Variants in MAP3K20 observed in about 807,000 individuals in gnomAD.
The protein encoded by MAP3K20 is HCCS-4.
Under a neutral mutation model 85.7 loss-of-function variants are expected in MAP3K20, and 40 were observed. The observed-to-expected ratio is 0.47, with a 90% confidence interval of 0.36 to 0.61. The LOEUF (loss-of-function observed/expected upper bound fraction) is 0.61, where lower values mean the gene tolerates loss of function less well. MAP3K20 is among the 20% of genes least tolerant of loss of function. The pLI is 0.00. For missense variants in MAP3K20, 817 were observed against 961.7 expected (o/e 0.85, Z 1.99); for synonymous variants, 325 against 327.7 (o/e 0.99, Z 0.09).
chr2:173,138,427 T>A (rs1487320107), intron 2 of MAP3K20, among the ~76,000 whole-genome samples: 4 of 152,186 alleles, frequency 2.6e-5, no homozygotes, highest in Non-Finnish European at 5.9e-5. Context: ...GGGGAAGATT[T>A]GAAAGATGAT....
At chr2:173,079,373 G>C (rs1486009483) in intron 1 of MAP3K20, among the ~76,000 whole-genome samples, 2 of 152,184 alleles carry the variant, frequency 1.3e-5, no homozygotes, top group Non-Finnish European at 2.9e-5. Flanking sequence ...CAGTGAGTGA[G>C]TGGTGAGGGA....
chr2:173,249,601 AT>A (rs1684997920), intron 16 of MAP3K20, among the ~76,000 whole-genome samples: 1 of 152,162 alleles, frequency 6.6e-6, no homozygotes, highest in African/African-American at 2.4e-5. Context: ...ATAAAACTTT[AT>A]TTGCAGTAGA....
At chr2:173,229,606 G>A (rs558335790) in intron 11 of MAP3K20, 83 bp from the exon 12 acceptor site, 3 of 1,578,596 alleles carry the variant, frequency 1.9e-6, no homozygotes, top group Middle Eastern at 1.7e-4. Context: ...GCTGAGAGCT[G>A]AAAGAGTGAG....
At chr2:173,185,147 A>G (rs1052448781) in intron 4 of MAP3K20, among the ~76,000 whole-genome samples, 1 of 152,178 alleles carries the variant, frequency 6.6e-6, no homozygotes, top group Non-Finnish European at 1.5e-5. Context: ...AGGCTAAGGC[A>G]GGAGAATCAC....
intron 10 of MAP3K20, among the ~76,000 whole-genome samples, chr2:173,215,376 G>GT (rs1434026299): frequency 6.6e-6 from 1 of 151,834 alleles, no homozygotes; most frequent in Non-Finnish European, 1.5e-5. Flanking sequence ...GGTTTTTCAC[G>GT]TTTTTTTCCC....
rs554272356 is a variant in MAP3K20, at chr2:173,237,195, A to AT, written c.1204-1173dup. ...GCGCAGGCTACACCACACCTGGCTA[A>AT]TTTTTGTATTTTTAGTAGAGACAGG... On this transcript the variant is annotated intron_variant, in intron 14 of 19. Transcript: ENST00000375213. Among the ~76,000 whole-genome samples, 848 of 151,702 alleles carry AT rather than the reference A, an allele frequency of 5.6e-3. 11 individuals are homozygous for AT. The highest frequency in any genetic ancestry group is 0.019 in the African/African-American group (798 of 41,380).
chr2:173,222,437 T>A, intron 11 of MAP3K20: 1 of 985,872 alleles, frequency 1.0e-6, no homozygotes, highest in Non-Finnish European at 1.2e-6. Flanking sequence ...TTCATACCAC[T>A]GCTGGCCATG....
At chr2:173,196,117 A>G (rs763733851) in intron 7 of MAP3K20, among the ~76,000 whole-genome samples, 23 of 152,310 alleles carry the variant, frequency 1.5e-4, no homozygotes, top group Admixed American at 9.8e-4. Context: ...CAAACTCAGA[A>G]GAGGCACTGC....
intron 3 of MAP3K20, among the ~76,000 whole-genome samples, chr2:173,177,542 G>C (rs1419382464): frequency 6.8e-6 from 1 of 146,114 alleles, no homozygotes; most frequent in African/African-American, 2.5e-5. Flanking sequence ...CCACCTCCCA[G>C]GTTCAAGCGA....
chr2:173,238,268 T>G, intron 14 of MAP3K20, 105 bp from the exon 15 acceptor site: 1 of 940,360 alleles, frequency 1.1e-6, no homozygotes, highest in Non-Finnish European at 1.6e-6. Context: ...CCCAAGATAT[T>G]TTATGAACTA....
intron 10 of MAP3K20, chr2:173,210,970 A>T (rs1382298839): frequency 6.6e-6 from 1 of 152,248 alleles, no homozygotes; most frequent in Non-Finnish European, 1.5e-5. Context: ...TACAAAAATT[A>T]TACAGTGAGC....
intron 2 of MAP3K20, among the ~76,000 whole-genome samples, chr2:173,157,036 G>A (rs1481966988): frequency 2.6e-5 from 4 of 152,178 alleles, no homozygotes; most frequent in Admixed American, 1.3e-4. Context: ...CAACCCCTGT[G>A]CAGGTGAAAA....
intron 11 of MAP3K20, chr2:173,223,009 A>G (rs1684292551): frequency 1.0e-6 from 1 of 985,336 alleles, no homozygotes; most frequent in African/African-American, 1.7e-5. Flanking sequence ...AAGTTTAAAG[A>G]AAGGACATCA....
intron 2 of MAP3K20, among the ~76,000 whole-genome samples, chr2:173,117,864 A>ATG (rs1688169569): frequency 6.6e-6 from 1 of 152,192 alleles, no homozygotes; most frequent in Non-Finnish European, 1.5e-5. Context: ...TTCACTCATG[A>ATG]TGAATTCATG....
At chr2:173,079,728 T>C (rs1188714712) in intron 1 of MAP3K20, among the ~76,000 whole-genome samples, 2 of 152,076 alleles carry the variant, frequency 1.3e-5, no homozygotes, top group Admixed American at 1.3e-4. Context: ...TAGCCCCACA[T>C]GGGGTTAGGA....
intron 11 of MAP3K20, chr2:173,222,277 T>A (rs1254285196): frequency 2.0e-6 from 2 of 985,758 alleles, no homozygotes; most frequent in Non-Finnish European, 2.4e-6. Context: ...AAGAAGGTTA[T>A]AACAAAATGC....
intron 2 of MAP3K20, among the ~76,000 whole-genome samples, chr2:173,137,316 T>G (rs1688825012): frequency 6.6e-6 from 1 of 152,232 alleles, no homozygotes; most frequent in African/African-American, 2.4e-5. Context: ...TGATTATGGC[T>G]TATTAGATCT....
At chr2:173,256,592 CA>C (rs1371478814) in intron 16 of MAP3K20, among the ~76,000 whole-genome samples, 1 of 152,024 alleles carries the variant, frequency 6.6e-6, no homozygotes, top group Non-Finnish European at 1.5e-5. Context: ...AAATTTGGTA[CA>C]AAGACATGAG....
intron 2 of MAP3K20, among the ~76,000 whole-genome samples, chr2:173,157,022 G>A (rs1689497540): frequency 6.6e-6 from 1 of 152,152 alleles, no homozygotes; most frequent in Admixed American, 6.5e-5. Flanking sequence ...GGGGTTAGGG[G>A]CACCAACCCC....
Sources: allele counts gnomAD v4.1 joint callset (sites outside exome capture counted in the v4.1 genomes callset), GRCh38; gene constraint gnomAD v4.1.1; transcripts MANE v1.5; gene names NCBI Gene and HGNC (gene_info 2026-07-23, HGNC 2026-07-21).